The following XDH variants were observed in gnomAD, a reference collection of about 807,000 sequenced individuals.
XDH encodes the protein xanthine dehydrogenase.
A neutral mutation model predicts 156.1 loss-of-function variants in XDH; 138 were observed. That is an observed-to-expected ratio of 0.88 (90% CI 0.77 to 1.02). The LOEUF is 1.02. Ranked by LOEUF, XDH falls within the 50% of genes least tolerant of loss-of-function variation. XDH has a pLI of 0.00. For synonymous variants in XDH, 669 were observed against 625.7 expected, an observed-to-expected ratio of 1.07 and a Z score of -1.03; for missense variants, 1,849 against 1,684.9, an observed-to-expected ratio of 1.10 and a Z score of -1.71.
chr2:31,414,359 T>G lies in XDH; in HGVS notation c.42+266A>C, dbSNP rs563568696. ...TGCCAATCTCCACTACTGCAGAGAG[T>G]TGGCAGCTAGCTCACAGATGCCTCT... On this transcript the variant is annotated intron_variant, in intron 1 of 35. Transcript: ENST00000379416. Among the ~76,000 whole-genome samples the G allele has an allele frequency of 4.6e-5, 7 of 151,790 alleles. No individual in the cohort carries two copies. In the South Asian group the frequency reaches 1.5e-3, roughly 32 times the overall value.
At chr2:31,385,186 C>A (rs1360491167) in intron 9 of XDH, among the ~76,000 whole-genome samples, 3 of 151,840 alleles carry the variant, frequency 2.0e-5, no homozygotes, top group Non-Finnish European at 2.9e-5. Flanking sequence ...CAGAGTGAGA[C>A]CCTGTCTTTG....
chr2:31,342,459 G>A (rs535802846), intron 31 of XDH, among the ~76,000 whole-genome samples, 162 bp from the exon 32 acceptor site: 4 of 152,240 alleles, frequency 2.6e-5, no homozygotes, highest in Admixed American at 1.3e-4. Flanking sequence ...ACCTGTTAAC[G>A]AAACCCAGAT....
At position 31,366,920 on chromosome 2, in the gene XDH, C is replaced by T. The variant is rs774249332; in HGVS notation, c.2272G>A (p.Ala758Thr). Reference protein sequence around the residue: ...HCTIAVPKGEAGEMELFVSTQ... With the variant: ...HCTIAVPKGETGEMELFVSTQ... ...GACACAAAGAGCTCCATCTCCCCTG[C>T]CTCGCCTTTTGGAACAGCAATGGTG... Residue 758 changes from alanine (A) to threonine (T), a missense_variant, in exon 21 of 36, where the codon GCA (alanine) becomes ACA (threonine). Ala to Thr is a moderately conservative substitution (Grantham distance 58). Transcript: ENST00000379416. The T allele has an allele frequency of 6.2e-7, 1 of 1,614,258 alleles. No individual in the cohort carries two copies. The highest frequency in any genetic ancestry group is 1.1e-5 in the South Asian group (1 of 91,088).
In XDH at chr2:31,414,643, G is replaced by A; in HGVS notation, c.24C>T (p.Phe8=). The change falls in exon 1 of 36, where the codon TTC becomes TTT. Residue 8 remains phenylalanine (F), a synonymous_variant. Coordinates refer to ENST00000379416, the MANE Select transcript of XDH (RefSeq NM_000379.4). MTADKLV[F]FVNGRKVVEK... ...TACTTACCTTTCTGCCATTCACAAA[G>A]AAAACCAATTTGTCTGCTGTCATTG... 1.2e-6 allele frequency: 2 copies of A among 1,614,060 alleles called. No homozygotes were observed. The highest frequency in any genetic ancestry group is 1.7e-6 in the Non-Finnish European group (2 of 1,179,986).
At chr2:31,384,357 G>A (rs1428869831) in intron 9 of XDH, 1 of 163,940 alleles carries the variant, frequency 6.1e-6, no homozygotes, top group East Asian at 1.6e-4. Context: ...TTCAGTACTG[G>A]AATGATTATT....
chr2:31,345,685 G>A (rs1204028014), intron 30 of XDH, among the ~76,000 whole-genome samples: 3 of 151,798 alleles, frequency 2.0e-5, no homozygotes, highest in Non-Finnish European at 4.4e-5. Context: ...GCGTGTGCAT[G>A]TGTGTGTGTG....
intron 1 of XDH, among the ~76,000 whole-genome samples, chr2:31,408,485 C>T (rs983256823): frequency 6.6e-6 from 1 of 152,196 alleles, no homozygotes; most frequent in Admixed American, 6.5e-5. Context: ...GCAGATTGCT[C>T]TGGTAAAACT....
At position 31,386,512 on chromosome 2, in the gene XDH, T is replaced by A. The variant is rs1405030591; in HGVS notation, c.695A>T (p.Glu232Val). The change falls in exon 9 of 36, where the codon GAG (glutamate) becomes GTG (valine). Residue 232 changes from glutamate (E) to valine (V), a missense_variant. Coordinates refer to ENST00000379416, the MANE Select transcript of XDH (RefSeq NM_000379.4). Reference sequence around the variant, plus strand: ...TGAGGCCTGTATCCACGTCACACGCTCCCCTTCAAATCGCAGCTGCTTCCG... The same window carrying A: ...TGAGGCCTGTATCCACGTCACACGCACCCCTTCAAATCGCAGCTGCTTCCG... The part of the protein sequence containing the change: ...TPRKQLRFEG[E>V]RVTWIQASTL... 6.2e-7 allele frequency: 1 copy of A among 1,614,118 alleles called. No homozygotes were observed. Among genetic ancestry groups the A allele is most frequent in the Non-Finnish European group, 8.5e-7 (1 of 1,180,006 alleles).
chr2:31,351,886 G>C (rs1303685092), intron 24 of XDH, among the ~76,000 whole-genome samples: 1 of 152,150 alleles, frequency 6.6e-6, no homozygotes, highest in Admixed American at 6.5e-5. Context: ...CCAATTCTTG[G>C]AGAGTTCTGT....
At chr2:31,370,212 G>T in intron 18 of XDH, 143 bp downstream of exon 18, 2 of 951,310 alleles carry the variant, frequency 2.1e-6, no homozygotes, top group Non-Finnish European at 1.6e-6. Flanking sequence ...TTTTTGGATT[G>T]TCCTGAATAT....
intron 21 of XDH, among the ~76,000 whole-genome samples, chr2:31,366,588 T>G (rs1397263321): frequency 6.6e-6 from 1 of 152,216 alleles, no homozygotes; most frequent in African/African-American, 2.4e-5. Flanking sequence ...ACTGCCAACA[T>G]GTACCAAACT....
Position 31,375,019 on chromosome 2 carries a change from CTTTCTTTTT to C in XDH, c.1602+352_1602+360del, listed in dbSNP as rs1175532337. Among the ~76,000 whole-genome samples the C allele has an allele frequency of 8.4e-4, 85 of 101,242 alleles. 1 individual carries two copies. The South Asian group carries it at 0.023, about 28-fold the overall frequency. The allele number at this position is 101,242 out of a possible 152,430, so 66.4% of individuals were successfully genotyped here. On this transcript the variant is annotated intron_variant, in intron 15 of 35. Coordinates refer to ENST00000379416, the MANE Select transcript of XDH (RefSeq NM_000379.4). ...CCTTTCTTTCTTTCTTTCTTTCTTT[CTTTCTTTTT>C]TTTTTTTTTTTTTTGAGACAGAGTT...
intron 6 of XDH, among the ~76,000 whole-genome samples, chr2:31,393,140 T>G (rs991670597): frequency 3.2e-4 from 48 of 152,226 alleles, no homozygotes; most frequent in African/African-American, 1.1e-3. Context: ...TAAATGTCAA[T>G]TATATCCAAT....
chr2:31,410,184 A>T (rs924237072), intron 1 of XDH, among the ~76,000 whole-genome samples: 1 of 152,190 alleles, frequency 6.6e-6, no homozygotes, highest in Non-Finnish European at 1.5e-5. Flanking sequence ...AAATTCATAG[A>T]GACAGAAAAA....
intron 20 of XDH, 77 bp from the exon 21 acceptor site, chr2:31,367,071 T>G: frequency 6.2e-7 from 1 of 1,611,394 alleles, no homozygotes; most frequent in East Asian, 2.2e-5. Flanking sequence ...GAGAGTATAC[T>G]CTGCCAAGTG....
At chr2:31,349,884 G>A in intron 25 of XDH, 53 bp from the exon 26 acceptor site, 1 of 1,612,428 alleles carries the variant, frequency 6.2e-7, no homozygotes, top group Non-Finnish European at 8.5e-7. Flanking sequence ...GACTGTGGGG[G>A]CAGGGCACAA....
At chr2:31,348,843 C>A in intron 27 of XDH, 56 bp downstream of exon 27, 1 of 1,503,754 alleles carries the variant, frequency 6.7e-7, no homozygotes, top group Admixed American at 1.7e-5. Flanking sequence ...CTGTAAACAA[C>A]AGGGAAATGG....
intron 31 of XDH, among the ~76,000 whole-genome samples, chr2:31,343,190 C>G (rs1436765079): frequency 6.7e-6 from 1 of 150,154 alleles, no homozygotes; most frequent in Non-Finnish European, 1.5e-5. Context: ...TTCATGAACT[C>G]CAGAAATGTA....
intron 4 of XDH, among the ~76,000 whole-genome samples, chr2:31,399,574 AT>A (rs1026034517): frequency 6.6e-6 from 1 of 152,206 alleles, no homozygotes; most frequent in African/African-American, 2.4e-5. Flanking sequence ...ATACAACCTA[AT>A]TTGGTTTGGC....
Sources: allele counts gnomAD v4.1 joint callset (sites outside exome capture counted in the v4.1 genomes callset), GRCh38; gene constraint gnomAD v4.1.1; transcripts MANE v1.5; gene names NCBI Gene and HGNC (gene_info 2026-07-23, HGNC 2026-07-21).